Variants in KTN1 observed in about 807,000 individuals in gnomAD.
KTN1 encodes kinectin.
A neutral mutation model predicts 222.5 loss-of-function variants in KTN1; 130 were observed. The ratio of observed to expected loss-of-function variants is 0.58; its 90% CI spans 0.51 to 0.68. The LOEUF (loss-of-function observed/expected upper bound fraction) is 0.68, where lower values mean the gene tolerates loss of function less well. KTN1 is among the 30% of genes least tolerant of loss of function. The probability of loss-of-function intolerance (pLI) is 0.00; values close to 1 mark genes in which losing one functional copy is unlikely to be tolerated. For synonymous variants in KTN1, 512 were observed against 496.3 expected, an observed-to-expected ratio of 1.03 and a Z score of -0.42; for missense variants, 1,508 against 1,500.4, an observed-to-expected ratio of 1.01 and a Z score of -0.08.
chr14:55,637,169 CCT>C (rs750695824), intron 10 of KTN1, 27 bp from the exon 11 acceptor site: 28 of 1,524,452 alleles, frequency 1.8e-5, no homozygotes, highest in Non-Finnish European at 2.3e-5. Flanking sequence ...AAGAAAGAGA[CCT>C]CTGTAAAATG....
At chr14:55,652,687 C>A (rs1216211887) in intron 25 of KTN1, among the ~76,000 whole-genome samples, 163 bp from the exon 26 acceptor site, 1 of 152,230 alleles carries the variant, frequency 6.6e-6, no homozygotes, top group Non-Finnish European at 1.5e-5. Context: ...GCGTGAGCCA[C>A]TGCGCCTGGC....
intron 5 of KTN1, among the ~76,000 whole-genome samples, chr14:55,620,286 TGGCTTTTCCA>T (rs1405141046): frequency 2.0e-5 from 3 of 152,160 alleles, no homozygotes; most frequent in Non-Finnish European, 4.4e-5. Context: ...TGAGGGTCTG[TGGCTTTTCCA>T]GGCTCACAGT....
intron 1 of KTN1, among the ~76,000 whole-genome samples, chr14:55,580,908 C>T (rs2031358086): frequency 6.6e-6 from 1 of 152,202 alleles, no homozygotes; most frequent in Admixed American, 6.5e-5. Context: ...CCCCCTTCCC[C>T]GGCGCCCCTC....
At chr14:55,599,568 G>A (rs2035638911) in intron 1 of KTN1, among the ~76,000 whole-genome samples, 1 of 150,210 alleles carries the variant, frequency 6.7e-6, no homozygotes, top group Non-Finnish European at 1.5e-5. Context: ...CAGAAGCACA[G>A]ATTCAAAGCG....
chr14:55,601,331 A>G (rs962334279), intron 1 of KTN1, among the ~76,000 whole-genome samples: 2 of 152,252 alleles, frequency 1.3e-5, no homozygotes, highest in Non-Finnish European at 1.5e-5. Context: ...AGTGTGGTCT[A>G]TAAAGTTAAT....
Position 55,656,111 on chromosome 14 carries a change from T to C in KTN1, c.2871T>C (p.Ser957=). ...AMLKERESDL[S]SKTQLLQDVQ... is the part of the protein sequence containing the mutation. ...TAAAAGAGAGGGAGAGTGATCTTTC[T>C]AGCAAAACACAGCTGTTACAGGTGA... Residue 957 remains serine, a synonymous_variant, in exon 29 of 44, where the codon TCT becomes TCC. Coordinates refer to ENST00000395314, the MANE Select transcript of KTN1 (RefSeq NM_001079521.2). 1.2e-6 allele frequency: 2 copies of C among 1,605,602 alleles called. No homozygotes were observed. Among genetic ancestry groups the C allele is most frequent in the South Asian group, 2.2e-5 (2 of 90,792 alleles).
At chr14:55,672,725 T>G in intron 38 of KTN1, 24 bp downstream of exon 38, 1 of 1,458,750 alleles carries the variant, frequency 6.9e-7, no homozygotes, top group Non-Finnish European at 9.6e-7. Context: ...TTGTTTTACT[T>G]GTAACCTATG....
intron 13 of KTN1, 28 bp from the exon 14 acceptor site, chr14:55,639,885 G>T: frequency 7.5e-7 from 1 of 1,340,504 alleles, no homozygotes; most frequent in South Asian, 1.2e-5. Flanking sequence ...AATGTTTATT[G>T]AATGTACAAA....
chr14:55,656,216 A>T, intron 29 of KTN1, 84 bp downstream of exon 29: 1 of 910,472 alleles, frequency 1.1e-6, no homozygotes, highest in Non-Finnish European at 1.7e-6. Context: ...CTGCCAAAAA[A>T]TAGAGTACAG....
intron 25 of KTN1, 42 bp from the exon 26 acceptor site, chr14:55,652,808 A>G (rs2043078505): frequency 5.7e-6 from 8 of 1,411,268 alleles, no homozygotes; most frequent in Non-Finnish European, 7.9e-6. Flanking sequence ...TTTTATGGTC[A>G]TGTAACATTT....
rs184284254 is a variant in KTN1, at chr14:55,680,635, T to A, written c.4069+950T>A. On this transcript the variant is annotated intron_variant, in intron 43 of 43. Transcript: ENST00000395314. ...GGAGAGCTTAGGTATCCTGGAAAAG[T>A]TGGGATGGACTTCCATTTTGATCTT... The A allele has an allele frequency of 8.1e-6, 9 of 1,117,326 alleles. No individual in the cohort carries two copies. In the African/African-American group the frequency reaches 1.4e-4, roughly 18 times the overall value. The allele number at this position is 1,117,326 out of a possible 1,614,324, so 69.2% of individuals were successfully genotyped here.
intron 6 of KTN1, among the ~76,000 whole-genome samples, chr14:55,628,868 T>TA (rs2040168529): frequency 6.6e-6 from 1 of 152,190 alleles, no homozygotes; most frequent in South Asian, 2.1e-4. Context: ...GCCGCATACT[T>TA]ATGATGTGTA....
In KTN1 at chr14:55,675,896, A is replaced by G; in HGVS notation, c.3833A>G (p.Lys1278Arg). 1 of 1,613,260 alleles carries G rather than the reference A, an allele frequency of 6.2e-7. No individual in the cohort carries two copies. The highest frequency in any genetic ancestry group is 8.5e-7 in the Non-Finnish European group (1 of 1,179,262). Reference sequence around the variant, plus strand: ...AGAACTGAACAAAATGAAAGACAGAAGGTAGCTGGTGATTTGCATAAGGTA... The same window carrying G: ...AGAACTGAACAAAATGAAAGACAGAGGGTAGCTGGTGATTTGCATAAGGTA... ...KLRTEQNERQKVAGDLHKAQQ... is the reference protein window; with the variant it reads ...KLRTEQNERQRVAGDLHKAQQ... The change falls in exon 41 of 44, where the codon AAG (lysine) becomes AGG (arginine). Residue 1278 changes from lysine to arginine, a missense_variant. By Grantham distance (26) the Lys-to-Arg change is conservative (BLOSUM62 2). Coordinates refer to ENST00000395314, the MANE Select transcript of KTN1 (RefSeq NM_001079521.2).
intron 12 of KTN1, among the ~76,000 whole-genome samples, chr14:55,638,102 C>T (rs1049879254): frequency 6.6e-6 from 1 of 151,850 alleles, no homozygotes; most frequent in African/African-American, 2.4e-5. Flanking sequence ...TGTCCCCAAT[C>T]CTGTCACAAA....
rs202160111 is a variant in KTN1, at chr14:55,628,912, TTTGTAA to T, written c.1080+885_1080+890del. On this transcript the variant is annotated intron_variant, in intron 6 of 43. Transcript: ENST00000395314. ...AGTATGTTATACAGGAGTATAACAA[TTTGTAA>T]AGATGAATGAACAAACTCAGGCAGC... Among the ~76,000 whole-genome samples the T allele has an allele frequency of 7.4e-3, 1,125 of 152,320 alleles. 6 individuals are homozygous for T. Among genetic ancestry groups the T allele is most frequent in the Non-Finnish European group, 0.013 (867 of 68,022 alleles).
rs767463546 is a variant in KTN1 at position 55,658,583 on chromosome 14, T to C, written c.2930T>C (p.Ile977Thr). ...GAAAACAAATTGTTTAAGTCCCAAATTGAGCAGCTTAAACAACAAAACTAC... is the reference window on the plus strand; with the variant it reads ...GAAAACAAATTGTTTAAGTCCCAAACTGAGCAGCTTAAACAACAAAACTAC... ...QDENKLFKSQ[I>T]EQLKQQNYQQ... The change falls in exon 30 of 44, where the codon ATT becomes ACT. Residue 977 changes from isoleucine to threonine, a missense_variant. By Grantham distance (89) the Ile-to-Thr change is moderately conservative (BLOSUM62 -1). Coordinates refer to ENST00000395314, the MANE Select transcript of KTN1 (RefSeq NM_001079521.2). The C allele has an allele frequency of 5.0e-6, 8 of 1,607,132 alleles. No homozygotes were observed. The highest frequency in any genetic ancestry group is 3.3e-5 in the South Asian group (3 of 90,282).
chr14:55,616,403 G>A (rs1292035862), intron 2 of KTN1, 114 bp from the exon 3 acceptor site: 1 of 913,074 alleles, frequency 1.1e-6, no homozygotes, highest in South Asian at 1.8e-5. Context: ...AGCGTTATAT[G>A]TCAGACTTTA....
intron 1 of KTN1, among the ~76,000 whole-genome samples, chr14:55,583,193 A>G (rs2032127989): frequency 6.6e-6 from 1 of 152,198 alleles, no homozygotes; most frequent in Non-Finnish European, 1.5e-5. Flanking sequence ...AGAAAGAGAA[A>G]TAATGACAGT....
chr14:55,656,628 G>T (rs1321246082), intron 29 of KTN1, among the ~76,000 whole-genome samples: 1 of 151,920 alleles, frequency 6.6e-6, no homozygotes, highest in Non-Finnish European at 1.5e-5. Flanking sequence ...ACTATGCCCA[G>T]CTAATTTTTG....
Sources: gnomAD v4.1 joint callset for allele counts (sites outside exome capture counted in the v4.1 genomes callset) on GRCh38, gnomAD v4.1.1 for gene constraint, MANE v1.5 for transcripts, NCBI Gene and HGNC (gene_info 2026-07-23, HGNC 2026-07-21) for gene names.